The following GUCY1A2 variants were observed in gnomAD, a reference collection of about 807,000 sequenced individuals.
The protein encoded by GUCY1A2 is guanylate cyclase soluble subunit alpha-2.
A neutral mutation model predicts 63.5 loss-of-function variants in GUCY1A2; 27 were observed. The observed-to-expected ratio is 0.43, with a 90% CI of 0.31 to 0.59. GUCY1A2 has a LOEUF of 0.59. Ranked by LOEUF, GUCY1A2 falls within the 20% of genes least tolerant of loss-of-function variation. The pLI is 0.11. For synonymous variants in GUCY1A2, 364 were observed against 343.5 expected (o/e 1.06, Z -0.66); for missense variants, 768 against 913.3 (o/e 0.84, Z 2.05).
intron 2 of GUCY1A2, among the ~76,000 whole-genome samples, chr11:106,984,485 T>C (rs1591354315): frequency 6.6e-6 from 1 of 152,272 alleles, no homozygotes; most frequent in Non-Finnish European, 1.5e-5. Context: ...AGCAATATAG[T>C]TTGGTTATCT....
chr11:106,703,077 G>A (rs369831578), intron 7 of GUCY1A2, among the ~76,000 whole-genome samples: 31 of 152,126 alleles, frequency 2.0e-4, no homozygotes, highest in African/African-American at 7.5e-4. Context: ...AACATGGAAA[G>A]ATTAGACTGG....
At chr11:106,850,759 T>C (rs549382314) in intron 4 of GUCY1A2, among the ~76,000 whole-genome samples, 1 of 152,074 alleles carries the variant, frequency 6.6e-6, no homozygotes, top group Non-Finnish European at 1.5e-5. Flanking sequence ...ACATTTAGGT[T>C]GATTCTATAT....
At chr11:106,745,449 C>T (rs750680403) in intron 6 of GUCY1A2, among the ~76,000 whole-genome samples, 30 of 152,200 alleles carry the variant, frequency 2.0e-4, no homozygotes, top group Non-Finnish European at 4.0e-4. Flanking sequence ...AATTGCCTCC[C>T]ATTTTAAACA....
At position 106,713,332 on chromosome 11, in the gene GUCY1A2, A is replaced by T. The variant is rs1038557180; in HGVS notation, c.1837-4666T>A. 1.2e-4 allele frequency among the ~76,000 whole-genome samples: 19 copies of T among 152,066 alleles called. No homozygotes were observed. The South Asian group carries it at 1.7e-3, about 13-fold the overall frequency. The stretch of plus-strand genomic sequence containing the variant: ...GAAGCAGAAGTGAGACCTACTTTTT[A>T]AAAAAAGTAAACTATTTGAAAAACT... On this transcript the variant is annotated intron_variant, in intron 6 of 7. Transcript: ENST00000526355.
intron 6 of GUCY1A2, among the ~76,000 whole-genome samples, chr11:106,734,832 C>G (rs1460576878): frequency 6.6e-6 from 1 of 151,954 alleles, no homozygotes; most frequent in African/African-American, 2.4e-5. Flanking sequence ...GGAAGATGAG[C>G]AAAAGAATGT....
chr11:106,906,800 C>G (rs1860213364), intron 4 of GUCY1A2, among the ~76,000 whole-genome samples: 1 of 152,060 alleles, frequency 6.6e-6, no homozygotes, highest in Non-Finnish European at 1.5e-5. Flanking sequence ...ATGGATGAAG[C>G]TGGAAACCAG....
At chr11:106,790,685 A>G (rs1864642583) in intron 5 of GUCY1A2, among the ~76,000 whole-genome samples, 1 of 152,174 alleles carries the variant, frequency 6.6e-6, no homozygotes, top group Non-Finnish European at 1.5e-5. Context: ...TCAGGGCCCA[A>G]GGGCTCTTTA....
intron 2 of GUCY1A2, among the ~76,000 whole-genome samples, chr11:106,985,753 A>G (rs1407722033): frequency 6.6e-6 from 1 of 152,236 alleles, no homozygotes; most frequent in Non-Finnish European, 1.5e-5. Context: ...GTTGGTACCA[A>G]TAAAGCTCAC....
At chr11:106,915,095 G>A (rs1565330294) in intron 4 of GUCY1A2, among the ~76,000 whole-genome samples, 1 of 152,112 alleles carries the variant, frequency 6.6e-6, no homozygotes, top group Non-Finnish European at 1.5e-5. Flanking sequence ...TGCAGGAAAT[G>A]TTTAAAAAAG....
intron 4 of GUCY1A2, among the ~76,000 whole-genome samples, chr11:106,846,138 T>C (rs1024162544): frequency 6.6e-6 from 1 of 151,622 alleles, no homozygotes; most frequent in Non-Finnish European, 1.5e-5. Context: ...CAATGTGTAA[T>C]ACTCAATTGG....
chr11:106,951,478 T>C (rs929665549), intron 3 of GUCY1A2, among the ~76,000 whole-genome samples: 1 of 152,238 alleles, frequency 6.6e-6, no homozygotes, highest in African/African-American at 2.4e-5. Context: ...TCATTTGCAT[T>C]TCTCTGATGA....
rs1862442089 is a variant in GUCY1A2 at position 106,682,062 on chromosome 11, G to T, written c.*5487C>A. ...AGCTCTGGCAGTAACTAAGAAAATG[G>T]TACTGTATCTAGTATGCCTAATAGC... On this transcript the variant is annotated 3_prime_UTR_variant, in exon 8 of 8. Transcript: ENST00000526355. The T allele has an allele frequency of 4.8e-6, 1 of 208,352 alleles. No individual in the cohort carries two copies. Among genetic ancestry groups the T allele is most frequent in the Non-Finnish European group, 9.5e-6 (1 of 105,164 alleles). The allele number at this position is 208,352 out of a possible 1,614,324, so 12.9% of individuals were successfully genotyped here. A position where few individuals can be genotyped will look rare whatever the true frequency, so the allele number is the denominator to read the frequency against.
At chr11:106,906,203 G>A (rs1860202929) in intron 4 of GUCY1A2, among the ~76,000 whole-genome samples, 2 of 152,154 alleles carry the variant, frequency 1.3e-5, no homozygotes, top group South Asian at 4.1e-4. Context: ...ATCTGACAAA[G>A]GGCTAATATC....
intron 3 of GUCY1A2, among the ~76,000 whole-genome samples, chr11:106,956,001 C>T (rs1478352018): frequency 1.3e-5 from 2 of 151,572 alleles, no homozygotes; most frequent in Admixed American, 1.3e-4. Flanking sequence ...ATTCTTTTTT[C>T]TCTATTCTTG....
At chr11:106,885,684 C>T (rs1024433464) in intron 4 of GUCY1A2, among the ~76,000 whole-genome samples, 1 of 152,068 alleles carries the variant, frequency 6.6e-6, no homozygotes, top group Non-Finnish European at 1.5e-5. Context: ...GTACACCATC[C>T]TATTTACCTT....
At chr11:106,889,461 T>C (rs574222378) in intron 4 of GUCY1A2, among the ~76,000 whole-genome samples, 3 of 152,226 alleles carry the variant, frequency 2.0e-5, no homozygotes, top group Admixed American at 1.3e-4. Context: ...ACCCCTCACG[T>C]CTCAAGCATT....
intron 4 of GUCY1A2, among the ~76,000 whole-genome samples, chr11:106,890,085 CTGATTT>C (rs1859953797): frequency 6.6e-6 from 1 of 152,118 alleles, no homozygotes; most frequent in African/African-American, 2.4e-5. Flanking sequence ...GCCCTTTCTT[CTGATTT>C]TAAGTATTCC....
rs1205098832 is a variant in GUCY1A2, at chr11:106,735,529, T to A, written c.1837-26863A>T. Among the ~76,000 whole-genome samples the A allele has an allele frequency of 2.0e-5, 3 of 152,310 alleles. No homozygotes were observed. In the South Asian group the frequency reaches 6.2e-4, roughly 32 times the overall value. On this transcript the variant is annotated intron_variant, in intron 6 of 7. Coordinates refer to ENST00000526355, the MANE Select transcript of GUCY1A2 (RefSeq NM_000855.3). ...GTGCATATGTACCACATTTTCCTTA[T>A]TAATTTGTCTGTGGACAGGTTGAAT...
chr11:106,706,079 A>C (rs917476796), intron 7 of GUCY1A2, among the ~76,000 whole-genome samples: 17 of 152,236 alleles, frequency 1.1e-4, no homozygotes, highest in African/African-American at 3.4e-4. Flanking sequence ...TTAAAATTCA[A>C]TTATTTGAAT....
Sources: allele counts gnomAD v4.1 joint callset (sites outside exome capture counted in the v4.1 genomes callset), GRCh38; gene constraint gnomAD v4.1.1; transcripts MANE v1.5; gene names NCBI Gene and HGNC (gene_info 2026-07-23, HGNC 2026-07-21).